ASTN1: variants seen among roughly 807,000 people sequenced by gnomAD.
ASTN1 encodes the protein astrotactin-1.
Under a neutral mutation model 140.7 loss-of-function variants are expected in ASTN1, and 41 were observed. That is an observed-to-expected ratio of 0.29 (90% CI 0.23 to 0.38). ASTN1 has a LOEUF of 0.38. ASTN1 is among the 10% of genes least tolerant of loss of function. ASTN1 has a pLI of 1.00. For missense variants in ASTN1, 1,479 were observed against 1,678.8 expected, an observed-to-expected ratio of 0.88 and a Z score of 2.08; for synonymous variants, 640 against 652.2, an observed-to-expected ratio of 0.98 and a Z score of 0.29.
chr1:176,912,707 G>A (rs1331440576), intron 16 of ASTN1, among the ~76,000 whole-genome samples: 1 of 152,092 alleles, frequency 6.6e-6, no homozygotes, highest in Non-Finnish European at 1.5e-5. Flanking sequence ...CTCCCATAAT[G>A]GTAAGGAACA....
At position 177,130,342 on chromosome 1, in the gene ASTN1, C is replaced by T. The variant is rs558705803; in HGVS notation, c.283+34052G>A. ...CCAGAGTAGTGAGCAAGTGTACCCT[C>T]CCGCCGCAGACCTATCGTATTTCAA... On this transcript the variant is annotated intron_variant, in intron 1 of 22. Transcript: ENST00000361833. Among the ~76,000 whole-genome samples, 243 of 152,192 alleles carry T rather than the reference C, an allele frequency of 1.6e-3. 1 individual carries two copies. The highest frequency in any genetic ancestry group is 3.4e-3 in the Middle Eastern group (1 of 294).
chr1:177,139,857 T>C (rs1682382547), intron 1 of ASTN1, among the ~76,000 whole-genome samples: 2 of 152,178 alleles, frequency 1.3e-5, no homozygotes, highest in African/African-American at 2.4e-5. Context: ...CAAGGCACTT[T>C]CACTGCTTTC....
chr1:177,007,391 C>CAA (rs112390178), intron 8 of ASTN1, among the ~76,000 whole-genome samples: 26 of 149,506 alleles, frequency 1.7e-4, no homozygotes, highest in African/African-American at 6.1e-4. Context: ...AATGCCGTCT[C>CAA]AAAAAAAAAA....
intron 1 of ASTN1, among the ~76,000 whole-genome samples, chr1:177,100,810 C>T (rs373480279): frequency 1.3e-5 from 2 of 152,060 alleles, no homozygotes; most frequent in Non-Finnish European, 1.5e-5. Flanking sequence ...ATGTGAAGAC[C>T]GGCTGGGCAT....
chr1:177,149,823 G>A (rs1158946493), intron 1 of ASTN1, among the ~76,000 whole-genome samples: 2 of 121,988 alleles, frequency 1.6e-5, no homozygotes, highest in Non-Finnish European at 3.3e-5. Context: ...TATATACAGT[G>A]TATATACATA....
intron 8 of ASTN1, among the ~76,000 whole-genome samples, chr1:176,990,476 G>A (rs1295477866): frequency 1.3e-5 from 2 of 151,506 alleles, no homozygotes. Context: ...GAATGGGGGA[G>A]AATAAGTAGA....
chr1:177,005,856 G>A (rs1168267667), intron 8 of ASTN1, among the ~76,000 whole-genome samples: 2 of 152,102 alleles, frequency 1.3e-5, no homozygotes, highest in Non-Finnish European at 2.9e-5. Context: ...TGTTCCACTC[G>A]CCTTGACCTC....
intron 1 of ASTN1, among the ~76,000 whole-genome samples, chr1:177,061,729 T>C (rs890376589): frequency 6.6e-6 from 1 of 152,206 alleles, no homozygotes; most frequent in African/African-American, 2.4e-5. Flanking sequence ...CTGGCATTTA[T>C]GGAATAGTCC....
rs1338405277 is a variant in ASTN1, at chr1:176,863,305, T to C, written c.*979A>G. On this transcript the variant is annotated 3_prime_UTR_variant, in exon 23 of 23. Coordinates refer to ENST00000361833, the MANE Select transcript of ASTN1 (RefSeq NM_004319.3). ...GCTTTAGTTCACTGTAACACTGATA[T>C]GAAAGTGTTGACCCCTCCTGGTCCC... is the stretch of plus-strand genomic sequence containing the variant. 44 of 985,754 alleles carry C rather than the reference T, an allele frequency of 4.5e-5. No individual in the cohort carries two copies. Among genetic ancestry groups the C allele is most frequent in the East Asian group, 1.1e-4 (1 of 8,816 alleles). The allele number at this position is 985,754 out of a possible 1,614,324, so 61.1% of individuals were successfully genotyped here.
At chr1:177,060,970 G>A in intron 2 of ASTN1, 108 bp downstream of exon 2, 3 of 1,124,686 alleles carry the variant, frequency 2.7e-6, no homozygotes, top group Non-Finnish European at 3.5e-6. Context: ...CATGATCAAT[G>A]ATCATTACAG....
intron 1 of ASTN1, among the ~76,000 whole-genome samples, chr1:177,130,121 C>T (rs191480914): frequency 6.6e-6 from 1 of 152,178 alleles, no homozygotes; most frequent in Non-Finnish European, 1.5e-5. Flanking sequence ...CATGGCTAAA[C>T]CTTACTTTGT....
At chr1:176,982,444 G>GCATCACCTGGAGGGCGTGCATCACC (rs1296218182) in intron 8 of ASTN1, among the ~76,000 whole-genome samples, 1 of 152,184 alleles carries the variant, frequency 6.6e-6, no homozygotes, top group Non-Finnish European at 1.5e-5. Flanking sequence ...TTATTAAAAT[G>GCATCACCTGGAGGGCGTGCATCACC]TGAATTTCTG....
rs1669662826 is a variant in ASTN1, at chr1:176,899,297, T to C, written c.2672-4467A>G. 2.6e-5 allele frequency among the ~76,000 whole-genome samples: 4 copies of C among 152,330 alleles called. 1 individual carries two copies. In the South Asian group the frequency reaches 8.3e-4, roughly 32 times the overall value. ...ATGTGCACATGGCCTTAGGCATGTA[T>C]ATAGTGGCCCACCTAAATTCAGGAG... On this transcript the variant is annotated intron_variant, in intron 16 of 22. Transcript: ENST00000361833.
At chr1:177,128,117 T>A (rs1010313548) in intron 1 of ASTN1, among the ~76,000 whole-genome samples, 3 of 152,226 alleles carry the variant, frequency 2.0e-5, no homozygotes, top group African/African-American at 7.2e-5. Flanking sequence ...GTTATTCACA[T>A]AATTTTCTGT....
intron 8 of ASTN1, among the ~76,000 whole-genome samples, chr1:176,969,679 G>A (rs974059561): frequency 6.6e-6 from 1 of 152,126 alleles, no homozygotes; most frequent in Admixed American, 6.6e-5. Flanking sequence ...GGTCAGATGT[G>A]GGGCAGGAGG....
chr1:177,033,240 A>AT lies in ASTN1; in HGVS notation c.472-392dup, dbSNP rs543641935. Among the ~76,000 whole-genome samples, 48 of 151,314 alleles carry AT rather than the reference A, an allele frequency of 3.2e-4. No homozygotes were observed. The South Asian group carries it at 4.4e-3, about 14-fold the overall frequency. ...CACATAACGCTGGTTTCAGGACTTT[A>AT]TTTTTTTTAGCAATATGGGGTGACA... is the stretch of plus-strand genomic sequence containing the variant. On this transcript the variant is annotated intron_variant, in intron 2 of 22. Coordinates refer to ENST00000361833, the MANE Select transcript of ASTN1 (RefSeq NM_004319.3).
chr1:177,106,815 C>T (rs1030800641), intron 1 of ASTN1, among the ~76,000 whole-genome samples: 2 of 152,146 alleles, frequency 1.3e-5, no homozygotes, highest in Non-Finnish European at 2.9e-5. Context: ...TTATAAGACA[C>T]CATTCTCAGA....
intron 16 of ASTN1, among the ~76,000 whole-genome samples, chr1:176,933,337 G>T (rs1307416307): frequency 6.6e-6 from 1 of 152,178 alleles, no homozygotes; most frequent in Non-Finnish European, 1.5e-5. Flanking sequence ...TCTTAAGATG[G>T]CCCATTTCTT....
chr1:177,150,414 C>G (rs1195449120), intron 1 of ASTN1, among the ~76,000 whole-genome samples: 1 of 152,076 alleles, frequency 6.6e-6, no homozygotes, highest in Non-Finnish European at 1.5e-5. Flanking sequence ...TGATCTACCT[C>G]TGGACATTTG....
Sources: gnomAD v4.1 joint callset for allele counts (sites outside exome capture counted in the v4.1 genomes callset) on GRCh38, gnomAD v4.1.1 for gene constraint, MANE v1.5 for transcripts, NCBI Gene and HGNC (gene_info 2026-07-23, HGNC 2026-07-21) for gene names.